Variants in MPZ observed in about 807,000 individuals in gnomAD.
The protein encoded by MPZ is myelin protein zero.
In MPZ, 13 loss-of-function variants were observed where a neutral mutation model predicts 27.9. That is an observed-to-expected ratio of 0.47 (90% CI 0.30 to 0.74). The LOEUF (loss-of-function observed/expected upper bound fraction) is 0.74. Among genes scored for constraint, MPZ ranks in the 30% least tolerant of loss-of-function variants. The pLI, the probability that MPZ is intolerant of heterozygous loss-of-function variation, is 0.06. For synonymous variants in MPZ, 118 were observed against 128.9 expected (o/e 0.92, Z 0.57); for missense variants, 256 against 317.5 (o/e 0.81, Z 1.47).
chr1:161,307,351 G>A lies in MPZ; in HGVS notation c.141C>T (p.Thr47=), dbSNP rs1444269005. 1.9e-6 allele frequency: 3 copies of A among 1,614,140 alleles called. No homozygotes were observed. The highest frequency in any genetic ancestry group is 2.7e-5 in the African/African-American group (2 of 74,948). Reference sequence around the variant, plus strand: ...CACTGGACCAGAAGGAGCAGTGCAGGGTCACCCGGGAGCCCACAGCACCAT... The same window carrying A: ...CACTGGACCAGAAGGAGCAGTGCAGAGTCACCCGGGAGCCCACAGCACCAT... ...EVHGAVGSRV[T]LHCSFWSSEW... The change falls in exon 2 of 6, where the codon ACC becomes ACT. Residue 47 remains threonine (T), a synonymous_variant. Coordinates refer to ENST00000533357, the MANE Select transcript of MPZ (RefSeq NM_000530.8).
In MPZ at chr1:161,306,437, C is replaced by G. The variant is rs993720865; in HGVS notation, c.476G>C (p.Gly159Ala). Residue 159 changes from glycine to alanine, a missense_variant, in exon 4 of 6, where the codon GGA (glycine) becomes GCA (alanine). Physicochemically the swap from Gly to Ala is moderately conservative, Grantham distance 60. This residue lies in a region of MPZ where 155 missense variants were observed against 223.9 expected (regional missense o/e 0.69). Transcript: ENST00000533357. ...KVPTRYGVVL[G>A]AVIGGVLGVV... ...CCCGAGGACACCCCCGATCACAGCT[C>G]CCAGAACGACCCCGTACCTAGTTGG... 1.2e-6 allele frequency: 2 copies of G among 1,614,186 alleles called. No individual in the cohort carries two copies. Among genetic ancestry groups the G allele is most frequent in the Non-Finnish European group, 1.7e-6 (2 of 1,180,030 alleles).
rs1243818451 is a variant in MPZ, at chr1:161,309,946, G to A, written c.-41C>T. On this transcript the variant is annotated 5_prime_UTR_variant, in exon 1 of 6. Coordinates refer to ENST00000533357, the MANE Select transcript of MPZ (RefSeq NM_000530.8). ...AGGGGCCCGGAGCATCTGTGGGGTT[G>A]AGAAAGTGGGGGACCAGGAACTGAA... The A allele has an allele frequency of 3.4e-6, 5 of 1,479,412 alleles. No individual in the cohort carries two copies. In the Admixed American group the frequency reaches 1.0e-4, roughly 29 times the overall value. The allele number at this position is 1,479,412 out of a possible 1,614,324, so 91.6% of individuals were successfully genotyped here. A position where few individuals can be genotyped will look rare whatever the true frequency, so the allele number is the denominator to read the frequency against.
At chr1:161,307,205 G>T in intron 2 of MPZ, 53 bp downstream of exon 2, 2 of 1,609,186 alleles carry the variant, frequency 1.2e-6, no homozygotes, top group Admixed American at 3.3e-5. Context: ...CTTTTTTGTT[G>T]TTCTTTGAAG....
chr1:161,308,068 TC>T (rs1670306194), intron 1 of MPZ, among the ~76,000 whole-genome samples: 1 of 152,214 alleles, frequency 6.6e-6, no homozygotes, highest in African/African-American at 2.4e-5. Context: ...GGAGGAGCTT[TC>T]CCTGTTGATT....
intron 1 of MPZ, among the ~76,000 whole-genome samples, chr1:161,309,552 A>ATATATATATATTTTTTTTTTTTTTTT: frequency 1.2e-4 from 10 of 80,632 alleles, no homozygotes; most frequent in African/African-American, 5.2e-4. Context: ...ATATATATAT[A>ATATATATATATTTTTTTTTTTTTTTT]TTTTTTTTTT....
rs201115971 is a variant in MPZ at position 161,305,982 on chromosome 1, G to T, written c.646-5C>A. On this transcript the variant is annotated splice_region_variant and splice_polypyrimidine_tract_variant and intron_variant, in intron 5 of 5. Coordinates refer to ENST00000533357, the MANE Select transcript of MPZ (RefSeq NM_000530.8). Reference sequence around the variant, plus strand: ...CATTGCATACAGCACTGGCGTCTGGGGGAGGGGCGCACACATCAGTCACCG... The same window carrying T: ...CATTGCATACAGCACTGGCGTCTGGTGGAGGGGCGCACACATCAGTCACCG... The T allele has an allele frequency of 1.2e-6, 2 of 1,613,766 alleles. No homozygotes were observed. Among genetic ancestry groups the T allele is most frequent in the Admixed American group, 3.3e-5 (2 of 60,012 alleles).
chr1:161,308,254 G>C (rs1043038136), intron 1 of MPZ, among the ~76,000 whole-genome samples: 4 of 152,134 alleles, frequency 2.6e-5, no homozygotes, highest in African/African-American at 9.7e-5. Flanking sequence ...TGGAGAGTCA[G>C]GAAGGGAAGG....
chr1:161,308,269 C>T (rs1481631799), intron 1 of MPZ, among the ~76,000 whole-genome samples: 1 of 152,182 alleles, frequency 6.6e-6, no homozygotes, highest in Non-Finnish European at 1.5e-5. Context: ...GGAAGGGCCT[C>T]ATACCCCTCT....
In MPZ at chr1:161,305,719, G is replaced by C. The variant is rs960768823; in HGVS notation, c.*157C>G. ...GAGTTCAGGCCCATCATGTTCTTGA[G>C]GGCGTTTTTGAGGCTGGTTCTGCTG... is the stretch of plus-strand genomic sequence containing the variant. On this transcript the variant is annotated 3_prime_UTR_variant, in exon 6 of 6. Coordinates refer to ENST00000533357, the MANE Select transcript of MPZ (RefSeq NM_000530.8). 1.5e-5 allele frequency: 9 copies of C among 615,218 alleles called. No individual in the cohort carries two copies. The highest frequency in any genetic ancestry group is 2.6e-5 in the Non-Finnish European group (9 of 347,396). The allele number at this position is 615,218 out of a possible 1,614,324, so 38.1% of individuals were successfully genotyped here.
chr1:161,307,247 C>G lies in MPZ; in HGVS notation c.234+11G>C. The G allele has an allele frequency of 6.2e-7, 1 of 1,614,242 alleles. No individual in the cohort carries two copies. Among genetic ancestry groups the G allele is most frequent in the Non-Finnish European group, 8.5e-7 (1 of 1,180,040 alleles). The stretch of plus-strand genomic sequence containing the variant: ...CTGTTATCCAACCCCAGGATTCCCC[C>G]AGGCACTCACCGAAATGGCATCTCT... On this transcript the variant is annotated intron_variant, in intron 2 of 5. Transcript: ENST00000533357.
chr1:161,308,517 C>T (rs1302563085), intron 1 of MPZ, among the ~76,000 whole-genome samples: 2 of 152,176 alleles, frequency 1.3e-5, no homozygotes, highest in African/African-American at 4.8e-5. Context: ...AAACAAAGTT[C>T]CATTGTCTGA....
intron 1 of MPZ, among the ~76,000 whole-genome samples, chr1:161,309,552 A>ATATT: frequency 5.8e-4 from 47 of 80,608 alleles, no homozygotes; most frequent in African/African-American, 1.8e-3. Flanking sequence ...ATATATATAT[A>ATATT]TTTTTTTTTT....
At chr1:161,304,369 T>C (rs1395981177), downstream of MPZ, among the ~76,000 whole-genome samples, 1 of 152,224 alleles carries the variant, frequency 6.6e-6, no homozygotes, top group African/African-American at 2.4e-5. Context: ...CAGATATCAT[T>C]ATCTCAGTTG....
rs1360468822 is a variant in MPZ at position 161,306,469 on chromosome 1, G to A, written c.449-5C>T. ...CGACCCCGTACCTAGTTGGCACTAG[G>A]AGGGGTGGGAAAAGAAGTGGGAGAA... On this transcript the variant is annotated splice_region_variant and splice_polypyrimidine_tract_variant and intron_variant, in intron 3 of 5. Transcript: ENST00000533357. 6.8e-6 allele frequency: 11 copies of A among 1,614,100 alleles called. No individual in the cohort carries two copies. The highest frequency in any genetic ancestry group is 1.7e-6 in the Non-Finnish European group (2 of 1,180,042).
chr1:161,306,098 T>C lies in MPZ; in HGVS notation c.645+10A>G, dbSNP rs1670232533. 6.2e-7 allele frequency: 1 copy of C among 1,614,174 alleles called. No homozygotes were observed. The highest frequency in any genetic ancestry group is 8.5e-7 in the Non-Finnish European group (1 of 1,180,008). ...CTTCCCATCTTGTCTAGGCCCCAAG[T>C]CCCGCTAACCTGCCGCCCGCGCTTC... On this transcript the variant is annotated intron_variant, in intron 5 of 5. Transcript: ENST00000533357.
At position 161,309,914 on chromosome 1, in the gene MPZ, C is replaced by G. The variant is rs1237249547; in HGVS notation, c.-9G>C. 2 of 1,580,580 alleles carry G rather than the reference C, an allele frequency of 1.3e-6. No individual in the cohort carries two copies. The highest frequency in any genetic ancestry group is 1.7e-6 in the Non-Finnish European group (2 of 1,163,480). The stretch of plus-strand genomic sequence containing the variant: ...GGAGCCCCAGGAGCCATAGCTGGGG[C>G]AGGGGCAGGGGCCCGGAGCATCTGT... On this transcript the variant is annotated 5_prime_UTR_variant, in exon 1 of 6. Transcript: ENST00000533357.
intron 2 of MPZ, 110 bp from the exon 3 acceptor site, chr1:161,307,031 A>AAAAAAAAAAAAAAC (rs1249638637): frequency 9.8e-7 from 1 of 1,021,928 alleles, no homozygotes; most frequent in Non-Finnish European, 1.4e-6. Flanking sequence ...AAAAAAAAAA[A>AAAAAAAAAAAAAAC]AAAAAAAGCT....
chr1:161,303,659 G>A (rs2102254556), downstream of MPZ, among the ~76,000 whole-genome samples: 1 of 152,272 alleles, frequency 6.6e-6, no homozygotes, highest in Non-Finnish European at 1.5e-5. Context: ...TCTCCTGACA[G>A]TCTGGGAAGT....
intron 1 of MPZ, among the ~76,000 whole-genome samples, chr1:161,308,271 T>C (rs1444598457): frequency 6.6e-6 from 1 of 152,172 alleles, no homozygotes; most frequent in African/African-American, 2.4e-5. Flanking sequence ...AAGGGCCTCA[T>C]ACCCCTCTCA....
Sources: allele counts gnomAD v4.1 joint callset (sites outside exome capture counted in the v4.1 genomes callset), GRCh38; gene constraint gnomAD v4.1.1; regional missense constraint gnomAD v4.1.1; transcripts MANE v1.5; gene names NCBI Gene and HGNC (gene_info 2026-07-23, HGNC 2026-07-21).